The following CHD9 variants were observed in gnomAD, a reference collection of about 807,000 sequenced individuals.
The protein encoded by CHD9 is chromodomain helicase DNA binding protein 9.
In CHD9, 77 loss-of-function variants were observed where a neutral mutation model predicts 316.1. The observed-to-expected ratio is 0.24, with a 90% CI of 0.20 to 0.29. The LOEUF (loss-of-function observed/expected upper bound fraction) is 0.29, where lower values mean the gene tolerates loss of function less well. Among genes scored for constraint, CHD9 ranks in the 10% least tolerant of loss-of-function variants. CHD9 has a pLI of 1.00. For synonymous variants in CHD9, 1,129 were observed against 1,158.3 expected (o/e 0.97, Z 0.51); for missense variants, 2,763 against 3,438.1 (o/e 0.80, Z 4.91).
At position 53,158,252 on chromosome 16, in the gene CHD9, C is replaced by G. The variant is rs150866108; in HGVS notation, c.1452+711C>G. 7.6e-3 allele frequency among the ~76,000 whole-genome samples: 1,154 copies of G among 151,870 alleles called. 17 individuals are homozygous for G. Among genetic ancestry groups the G allele is most frequent in the African/African-American group, 0.026 (1,090 of 41,414 alleles). Reference sequence around the variant, plus strand: ...ACCCAGACATAGCAGAAGTATATACCCAAAGATATTTGTCTTAATATACTT... The same window carrying G: ...ACCCAGACATAGCAGAAGTATATACGCAAAGATATTTGTCTTAATATACTT... On this transcript the variant is annotated intron_variant, in intron 2 of 38. Coordinates refer to ENST00000447540, the MANE Select transcript of CHD9 (RefSeq NM_001308319.2).
chr16:53,214,468 A>G (rs1372636068), intron 3 of CHD9, among the ~76,000 whole-genome samples: 1 of 152,192 alleles, frequency 6.6e-6, no homozygotes, highest in Non-Finnish European at 1.5e-5. Context: ...GTCAAAATGC[A>G]TGGTTTAAAT....
intron 34 of CHD9, among the ~76,000 whole-genome samples, chr16:53,310,072 A>T (rs1293766404): frequency 6.6e-6 from 1 of 152,196 alleles, no homozygotes; most frequent in Non-Finnish European, 1.5e-5. Flanking sequence ...CACTATTTCC[A>T]AATGCTGCTA....
intron 2 of CHD9, among the ~76,000 whole-genome samples, chr16:53,158,093 T>C (rs1597206871): frequency 6.6e-6 from 1 of 152,134 alleles, no homozygotes; most frequent in South Asian, 2.1e-4. Flanking sequence ...TAGAAAAACA[T>C]GTTAAATGTT....
At chr16:53,208,107 T>C (rs117525527) in intron 2 of CHD9, 651 of 1,026,900 alleles carry the variant, frequency 6.3e-4, no homozygotes, top group Non-Finnish European at 7.3e-4. Context: ...TTTACAGCCT[T>C]TTTCATACCT....
Position 53,157,463 on chromosome 16 carries a change from T to C in CHD9, c.1374T>C (p.Ser458=), listed in dbSNP as rs758581089. 3.5e-5 allele frequency: 56 copies of C among 1,613,884 alleles called. No individual in the cohort carries two copies. The highest frequency in any genetic ancestry group is 4.7e-5 in the Non-Finnish European group (56 of 1,179,882). ...PSDMAQTQLQ[S]QARSWHSSFS... Reference sequence around the variant, plus strand: ...ATATGGCTCAGACTCAGTTGCAAAGTCAGGCTCGGAGTTGGCATTCATCAT... The same window carrying C: ...ATATGGCTCAGACTCAGTTGCAAAGCCAGGCTCGGAGTTGGCATTCATCAT... Residue 458 remains serine, a synonymous_variant, in exon 2 of 39, where the codon AGT becomes AGC. Transcript: ENST00000447540.
intron 1 of CHD9, among the ~76,000 whole-genome samples, chr16:53,124,695 G>A (rs2038892813): frequency 6.6e-6 from 1 of 151,894 alleles, no homozygotes; most frequent in Non-Finnish European, 1.5e-5. Flanking sequence ...GGCTAGGTTG[G>A]TCTTGAATTC....
chr16:53,324,915 A>C lies in CHD9; in HGVS notation c.*20A>C. Reference sequence around the variant, plus strand: ...GACTGATTCCCAGACTCTGCACTTAAAATATGAACTGATTTTGGATTTTTT... The same window carrying C: ...GACTGATTCCCAGACTCTGCACTTACAATATGAACTGATTTTGGATTTTTT... On this transcript the variant is annotated 3_prime_UTR_variant, in exon 39 of 39. Transcript: ENST00000447540. The C allele has an allele frequency of 1.3e-6, 2 of 1,535,282 alleles. No individual in the cohort carries two copies. The highest frequency in any genetic ancestry group is 1.7e-6 in the Non-Finnish European group (2 of 1,145,322).
chr16:53,289,133 T>C (rs1414673628), intron 27 of CHD9, among the ~76,000 whole-genome samples: 3 of 152,014 alleles, frequency 2.0e-5, no homozygotes, highest in African/African-American at 7.3e-5. Flanking sequence ...AATAAAAAAA[T>C]TCCTATTGAA....
chr16:53,254,862 G>GA (rs1237655437), intron 18 of CHD9, among the ~76,000 whole-genome samples: 2 of 152,184 alleles, frequency 1.3e-5, no homozygotes, highest in Admixed American at 1.3e-4. Flanking sequence ...ACATTTGTAT[G>GA]ATGGCATAGC....
chr16:53,165,469 C>A (rs759262413), intron 2 of CHD9, among the ~76,000 whole-genome samples: 6 of 151,908 alleles, frequency 3.9e-5, no homozygotes, highest in Admixed American at 6.6e-5. Context: ...TTTCATTTCC[C>A]CCACCCCAGA....
chr16:53,109,677 C>CTTTTTTTTTTTTTT lies in CHD9; in HGVS notation c.-164-46237_-164-46224dup, dbSNP rs1166073629. On this transcript the variant is annotated intron_variant, in intron 1 of 38. Transcript: ENST00000447540. ...GCCTAAAAATTTGGATTCCCAGTTT[C>CTTTTTTTTTTTTTT]TTTTTTTTTTTTTTTTTTTTTTTTT... Among the ~76,000 whole-genome samples, 11 of 71,604 alleles carry CTTTTTTTTTTTTTT rather than the reference C, an allele frequency of 1.5e-4. 1 individual carries two copies. The highest frequency in any genetic ancestry group is 4.7e-4 in the East Asian group (1 of 2,112). 47.0% of individuals were successfully genotyped at this position (71,604 alleles called of 152,430 possible). A position where few individuals can be genotyped will look rare whatever the true frequency, so the allele number is the denominator to read the frequency against.
intron 2 of CHD9, among the ~76,000 whole-genome samples, chr16:53,165,126 G>A (rs1234155838): frequency 1.3e-5 from 2 of 152,130 alleles, no homozygotes; most frequent in African/African-American, 2.4e-5. Context: ...GAAGAAGTTT[G>A]AAATAAAGCT....
At chr16:53,235,576 C>G (rs570384325) in intron 11 of CHD9, among the ~76,000 whole-genome samples, 1 of 152,268 alleles carries the variant, frequency 6.6e-6, no homozygotes, top group East Asian at 1.9e-4. Flanking sequence ...AAGAAACCTT[C>G]TGTGTTATAT....
At chr16:53,307,075 T>A (rs2056053408) in intron 32 of CHD9, among the ~76,000 whole-genome samples, 3 of 151,936 alleles carry the variant, frequency 2.0e-5, no homozygotes, top group African/African-American at 7.3e-5. Context: ...CCAGTGCACC[T>A]GACCAATTTT....
chr16:53,235,333 A>T (rs1354658865), intron 11 of CHD9, 27 bp downstream of exon 11: 1 of 1,474,232 alleles, frequency 6.8e-7, no homozygotes, highest in African/African-American at 1.4e-5. Flanking sequence ...AATAAAAAAA[A>T]TTTATTTTTT....
In CHD9 at chr16:53,209,826, A is replaced by G; in HGVS notation, c.1784+13A>G. 6.7e-7 allele frequency: 1 copy of G among 1,501,380 alleles called. No homozygotes were observed. Among genetic ancestry groups the G allele is most frequent in the Non-Finnish European group, 9.0e-7 (1 of 1,112,526 alleles). 93.0% of individuals were successfully genotyped at this position (1,501,380 alleles called of 1,614,324 possible). On this transcript the variant is annotated intron_variant, in intron 3 of 38. Coordinates refer to ENST00000447540, the MANE Select transcript of CHD9 (RefSeq NM_001308319.2). ...AGACAAAAATTGGGTAAGTTGGTTA[A>G]GAATTAAATTTAATTCCTTTCAATG... is the stretch of plus-strand genomic sequence containing the variant.
chr16:53,292,407 C>A (rs1425368017), intron 28 of CHD9, among the ~76,000 whole-genome samples: 3 of 152,196 alleles, frequency 2.0e-5, no homozygotes, highest in Non-Finnish European at 2.9e-5. Context: ...TCTTGAACTT[C>A]GAAAATGTTT....
At chr16:53,210,852 C>T (rs555272977) in intron 3 of CHD9, among the ~76,000 whole-genome samples, 3 of 152,008 alleles carry the variant, frequency 2.0e-5, no homozygotes, top group Admixed American at 6.5e-5. Flanking sequence ...CAGGTCCAAA[C>T]GATTAAATAA....
At chr16:53,063,982 T>C (rs2033244982) in intron 1 of CHD9, among the ~76,000 whole-genome samples, 1 of 151,690 alleles carries the variant, frequency 6.6e-6, no homozygotes. Flanking sequence ...TACAGACCTA[T>C]GAGCCACCAT....
Sources: allele counts gnomAD v4.1 joint callset (sites outside exome capture counted in the v4.1 genomes callset), GRCh38; gene constraint gnomAD v4.1.1; transcripts MANE v1.5; gene names NCBI Gene and HGNC (gene_info 2026-07-23, HGNC 2026-07-21).